Variants in RPTOR observed in about 807,000 individuals in gnomAD.
RPTOR encodes the protein regulatory associated protein of MTOR complex 1, also known as regulatory-associated protein of mTOR.
In RPTOR, 21 loss-of-function variants were observed where a neutral mutation model predicts 169.9. The observed-to-expected ratio is 0.12, with a 90% CI of 0.09 to 0.18. The LOEUF (loss-of-function observed/expected upper bound fraction) is 0.18. RPTOR is among the 10% of genes least tolerant of loss of function. RPTOR has a pLI of 1.00. For missense variants in RPTOR, 1,133 were observed against 1,855.9 expected (o/e 0.61, Z 7.16); for synonymous variants, 732 against 753.2 (o/e 0.97, Z 0.46).
intron 19 of RPTOR, among the ~76,000 whole-genome samples, chr17:80,893,412 A>G (rs182280821): frequency 2.3e-5 from 2 of 88,886 alleles, no homozygotes; most frequent in South Asian, 4.2e-4. Flanking sequence ...GTGTGTGTGT[A>G]CAAGGGTGTG....
At chr17:80,569,148 T>C (rs1004881515) in intron 1 of RPTOR, among the ~76,000 whole-genome samples, 3 of 152,214 alleles carry the variant, frequency 2.0e-5, no homozygotes, top group African/African-American at 7.2e-5. Flanking sequence ...CATTTTTGGG[T>C]CTAGATGGAC....
At chr17:80,869,984 GGTT>G (rs2068034839) in intron 13 of RPTOR, among the ~76,000 whole-genome samples, 1 of 152,134 alleles carries the variant, frequency 6.6e-6, no homozygotes, top group South Asian at 2.1e-4. Flanking sequence ...TGGTGGTAGT[GGTT>G]GTTTTAATAA....
rs762958133 is a variant in RPTOR, at chr17:80,609,120, C to G, written c.163-16571C>G. ...GAAGCATGGAGAGCACAGCGCGACC[C>G]GTGTGGAGAGGGCATCACTAGCCTG... On this transcript the variant is annotated intron_variant, in intron 1 of 33. Coordinates refer to ENST00000306801, the MANE Select transcript of RPTOR (RefSeq NM_020761.3). This position sits in a 1 kb window ranked among gnomAD's most constrained non-coding sequence, Gnocchi z 4.8. Among the ~76,000 whole-genome samples, 2 of 152,134 alleles carry G rather than the reference C, an allele frequency of 1.3e-5. No individual in the cohort carries two copies. Among genetic ancestry groups the G allele is most frequent in the Non-Finnish European group, 2.9e-5 (2 of 68,022 alleles).
intron 13 of RPTOR, among the ~76,000 whole-genome samples, chr17:80,858,856 A>G (rs2067885906): frequency 2.0e-5 from 3 of 152,210 alleles, no homozygotes; most frequent in African/African-American, 7.2e-5. Flanking sequence ...TTCCCGGTAG[A>G]CACAGTTGAA....
intron 1 of RPTOR, among the ~76,000 whole-genome samples, chr17:80,612,653 T>A (rs1162764751): frequency 6.6e-6 from 1 of 152,146 alleles, no homozygotes; most frequent in East Asian, 1.9e-4. Flanking sequence ...GAAACTGATT[T>A]GGAAATCATT....
intron 10 of RPTOR, among the ~76,000 whole-genome samples, chr17:80,839,973 C>T (rs910752074): frequency 6.6e-6 from 1 of 152,140 alleles, no homozygotes; most frequent in African/African-American, 2.4e-5. Context: ...CAGGACAAGC[C>T]GGGGATAACT....
Position 80,707,696 on chromosome 17 carries a change from C to A in RPTOR, c.349-145C>A. On this transcript the variant is annotated intron_variant, in intron 3 of 33. Coordinates refer to ENST00000306801, the MANE Select transcript of RPTOR (RefSeq NM_020761.3). This position sits in a 1 kb window ranked among gnomAD's most constrained non-coding sequence, Gnocchi z 5.0. Reference sequence around the variant, plus strand: ...CATGAGCCAGGGTGCCTGGCATTACCTGGTTTTATAGATGGAGAAACTCAG... The same window carrying A: ...CATGAGCCAGGGTGCCTGGCATTACATGGTTTTATAGATGGAGAAACTCAG... 1 of 745,232 alleles carries A rather than the reference C, an allele frequency of 1.3e-6. No homozygotes were observed. The highest frequency in any genetic ancestry group is 1.8e-5 in the African/African-American group (1 of 56,808). 46.2% of individuals were successfully genotyped at this position (745,232 alleles called of 1,614,324 possible). A position where few individuals can be genotyped will look rare whatever the true frequency, so the allele number is the denominator to read the frequency against.
intron 1 of RPTOR, among the ~76,000 whole-genome samples, chr17:80,554,553 C>T (rs1270532852): frequency 6.6e-6 from 1 of 152,060 alleles, no homozygotes; most frequent in African/African-American, 2.4e-5. Flanking sequence ...ACCATCCTGG[C>T]TAACACGATG....
At chr17:80,627,950 T>G (rs1185223660) in intron 2 of RPTOR, among the ~76,000 whole-genome samples, 1 of 151,972 alleles carries the variant, frequency 6.6e-6, no homozygotes, top group Admixed American at 6.6e-5. Context: ...GCGATTCTCC[T>G]GCCTCAGCCT....
chr17:80,620,729 G>A (rs753780266), intron 1 of RPTOR, among the ~76,000 whole-genome samples: 1 of 152,252 alleles, frequency 6.6e-6, no homozygotes, highest in Admixed American at 6.5e-5. Context: ...TCGTGCCACT[G>A]CACGTGATCG....
At chr17:80,792,385 CAG>C (rs538954509) in intron 7 of RPTOR, among the ~76,000 whole-genome samples, 167 of 152,232 alleles carry the variant, frequency 1.1e-3, no homozygotes, top group African/African-American at 3.9e-3. Flanking sequence ...CCTTGTGTAT[CAG>C]GGGAAAAATG....
intron 4 of RPTOR, among the ~76,000 whole-genome samples, chr17:80,710,167 G>T (rs560250732): frequency 2.6e-5 from 4 of 151,892 alleles, no homozygotes; most frequent in African/African-American, 9.7e-5. Flanking sequence ...GCTAATTTTT[G>T]TATTTTTTGT....
chr17:80,886,384 G>T (rs1292377821), intron 17 of RPTOR, among the ~76,000 whole-genome samples: 1 of 152,182 alleles, frequency 6.6e-6, no homozygotes, highest in African/African-American at 2.4e-5. Context: ...CTTTTCTGTT[G>T]GTTCTGACTT....
chr17:80,661,156 G>C (rs935074102), intron 3 of RPTOR, among the ~76,000 whole-genome samples: 21 of 152,350 alleles, frequency 1.4e-4, no homozygotes, highest in Admixed American at 3.3e-4. Flanking sequence ...AGTGGCAGGG[G>C]TTGAGGGAGT....
At chr17:80,559,389 A>T (rs4278795) in intron 1 of RPTOR, among the ~76,000 whole-genome samples, 37,770 of 152,012 alleles carry the variant, frequency 0.25, 5,500 homozygotes, top group East Asian at 0.42. Context: ...GTTTGGGAGC[A>T]CGTCCTGACT....
intron 1 of RPTOR, among the ~76,000 whole-genome samples, chr17:80,597,025 A>G (rs939108671): frequency 6.6e-6 from 1 of 152,124 alleles, no homozygotes; most frequent in Non-Finnish European, 1.5e-5. Flanking sequence ...TTGGTCTGAC[A>G]TGGGAGGGAG....
intron 21 of RPTOR, among the ~76,000 whole-genome samples, chr17:80,911,777 C>T (rs1326001347): frequency 1.3e-5 from 2 of 152,242 alleles, no homozygotes; most frequent in South Asian, 2.1e-4. Context: ...AGAGTGAGAC[C>T]GTGTCTTTTA....
intron 27 of RPTOR, among the ~76,000 whole-genome samples, chr17:80,948,088 G>A (rs1411066892): frequency 1.3e-5 from 2 of 152,236 alleles, no homozygotes; most frequent in Admixed American, 6.5e-5. Context: ...TTCCTGTGGA[G>A]ACTAGAGAGC....
intron 3 of RPTOR, among the ~76,000 whole-genome samples, chr17:80,648,069 C>T (rs962234664): frequency 6.6e-6 from 1 of 152,092 alleles, no homozygotes; most frequent in African/African-American, 2.4e-5. Flanking sequence ...AGAGTATGTT[C>T]AAGGAGAGAA....
Sources: allele counts gnomAD v4.1 joint callset (sites outside exome capture counted in the v4.1 genomes callset), GRCh38; gene constraint gnomAD v4.1.1; non-coding constraint Gnocchi (gnomAD v3.1); transcripts MANE v1.5; gene names NCBI Gene and HGNC (gene_info 2026-07-23, HGNC 2026-07-21).